The following COL5A2 variants were observed in gnomAD, a reference collection of about 807,000 sequenced individuals.
The protein encoded by COL5A2 is collagen type V alpha 2 chain, also known as collagen alpha-2(V) chain.
In COL5A2, 23 loss-of-function variants were observed where a neutral mutation model predicts 208.2. The observed-to-expected ratio is 0.11, with a 90% CI of 0.08 to 0.16. COL5A2 has a LOEUF of 0.16. Ranked by LOEUF, COL5A2 falls within the 10% of genes least tolerant of loss-of-function variation. COL5A2 has a pLI of 1.00. For missense variants in COL5A2, 1,590 were observed against 1,956.4 expected (o/e 0.81, Z 3.53); for synonymous variants, 625 against 628.5 (o/e 0.99, Z 0.08).
chr2:189,285,885 T>C, the COL5A2 span, among the ~76,000 whole-genome samples: 1 of 152,190 alleles, frequency 6.6e-6, no homozygotes, highest in Admixed American at 6.6e-5. Flanking sequence ...GCATGAGTAC[T>C]TGTGGTTGCA....
intron 44 of COL5A2, 117 bp downstream of exon 44, chr2:189,049,230 A>G (rs1054764899): frequency 5.2e-6 from 4 of 762,060 alleles, no homozygotes; most frequent in Non-Finnish European, 9.2e-6. Flanking sequence ...TAACATTACT[A>G]AGAAACTTTC....
chr2:189,195,081 A>C (rs1688982883), intron 1 of COL5A2, among the ~76,000 whole-genome samples: 1 of 152,204 alleles, frequency 6.6e-6, no homozygotes, highest in Non-Finnish European at 1.5e-5. Context: ...CCATTGTCTC[A>C]GCCCCAAAAC....
chr2:189,432,821 C>A, the COL5A2 span, among the ~76,000 whole-genome samples: 1 of 152,222 alleles, frequency 6.6e-6, no homozygotes, highest in Non-Finnish European at 1.5e-5. Flanking sequence ...CAGCTCTGCA[C>A]CAAGTGGACC....
At chr2:189,147,104 T>G (rs1340071963) in intron 1 of COL5A2, among the ~76,000 whole-genome samples, 1 of 152,160 alleles carries the variant, frequency 6.6e-6, no homozygotes, top group East Asian at 1.9e-4. Flanking sequence ...ACTAAAAGAA[T>G]AGTTAGTTCT....
At chr2:189,420,217 G>C in the COL5A2 span, among the ~76,000 whole-genome samples, 3 of 152,182 alleles carry the variant, frequency 2.0e-5, no homozygotes, top group African/African-American at 7.2e-5. Flanking sequence ...TCTGCATGTT[G>C]AGTTCATGAT....
At chr2:189,341,384 C>T in the COL5A2 span, among the ~76,000 whole-genome samples, 80 of 152,120 alleles carry the variant, frequency 5.3e-4, 1 homozygote, top group African/African-American at 1.7e-3. Flanking sequence ...ATTCTAGTGA[C>T]GCAATTGTGA....
intron 50 of COL5A2, 94 bp downstream of exon 50, chr2:189,041,492 T>A: frequency 1.0e-6 from 1 of 989,250 alleles, no homozygotes; most frequent in East Asian, 2.4e-5. Context: ...GTCCCTTAAG[T>A]CTCTTGTCAA....
At chr2:189,338,714 T>C in the COL5A2 span, among the ~76,000 whole-genome samples, 23 of 147,974 alleles carry the variant, frequency 1.6e-4, no homozygotes, top group Non-Finnish European at 2.8e-4. Flanking sequence ...ATTATAAATA[T>C]ATTTTATAAT....
At chr2:189,048,902 A>G (rs1685725052) in intron 44 of COL5A2, among the ~76,000 whole-genome samples, 1 of 152,204 alleles carries the variant, frequency 6.6e-6, no homozygotes, top group Non-Finnish European at 1.5e-5. Context: ...CATGATATCC[A>G]TTATGTTACT....
chr2:189,271,829 C>T, the COL5A2 span, among the ~76,000 whole-genome samples: 1 of 152,078 alleles, frequency 6.6e-6, no homozygotes, highest in Non-Finnish European at 1.5e-5. Flanking sequence ...AACAAACAAC[C>T]TCATCAAAAA....
chr2:189,359,822 CTATT>C, the COL5A2 span, among the ~76,000 whole-genome samples: 5 of 152,000 alleles, frequency 3.3e-5, no homozygotes, highest in Non-Finnish European at 5.9e-5. Flanking sequence ...AGGAATTTAT[CTATT>C]TGTTAGTAGG....
chr2:189,119,386 A>G (rs1687456861), intron 1 of COL5A2, among the ~76,000 whole-genome samples: 1 of 152,102 alleles, frequency 6.6e-6, no homozygotes, highest in Non-Finnish European at 1.5e-5. Context: ...TAACCTGAAG[A>G]TACTTCTTTA....
intron 1 of COL5A2, among the ~76,000 whole-genome samples, chr2:189,219,578 G>A (rs1464293246): frequency 6.6e-6 from 1 of 152,136 alleles, no homozygotes; most frequent in Non-Finnish European, 1.5e-5. Flanking sequence ...GCAAGAAAGT[G>A]TAGATTACAC....
At chr2:189,350,617 T>A in the COL5A2 span, among the ~76,000 whole-genome samples, 1 of 152,178 alleles carries the variant, frequency 6.6e-6, no homozygotes, top group African/African-American at 2.4e-5. Flanking sequence ...CATGGCTTTG[T>A]GACTAATTAT....
chr2:189,056,901 G>A (rs2105573804), intron 35 of COL5A2, 72 bp downstream of exon 35: 2 of 1,416,668 alleles, frequency 1.4e-6, no homozygotes, highest in Non-Finnish European at 2.0e-6. Flanking sequence ...TATTTTGGAA[G>A]GTTCAGGGAA....
chr2:189,304,069 T>C, the COL5A2 span, among the ~76,000 whole-genome samples: 1 of 152,222 alleles, frequency 6.6e-6, no homozygotes, highest in Admixed American at 6.5e-5. Flanking sequence ...AATTTTGCTA[T>C]ATTTTAAGGC....
chr2:189,259,330 T>C, the COL5A2 span, among the ~76,000 whole-genome samples: 1 of 152,352 alleles, frequency 6.6e-6, no homozygotes, highest in East Asian at 1.9e-4. Flanking sequence ...GTAATATTCA[T>C]TCAAGTCCTA....
the COL5A2 span, among the ~76,000 whole-genome samples, chr2:189,365,204 A>C: frequency 2.7e-3 from 416 of 152,286 alleles, no homozygotes; most frequent in African/African-American, 9.5e-3. Flanking sequence ...CATTTGTTTT[A>C]AAAGGGCTGC....
the COL5A2 span, among the ~76,000 whole-genome samples, chr2:189,375,047 C>G: frequency 6.7e-6 from 1 of 148,672 alleles, no homozygotes; most frequent in Non-Finnish European, 1.5e-5. Flanking sequence ...GATGGAGTCT[C>G]GCTCTGTCAC....
Sources: gnomAD v4.1 joint callset for allele counts (sites outside exome capture counted in the v4.1 genomes callset) on GRCh38, gnomAD v4.1.1 for gene constraint, MANE v1.5 for transcripts, NCBI Gene and HGNC (gene_info 2026-07-23, HGNC 2026-07-21) for gene names.